CCDC141: variants seen among roughly 807,000 people sequenced by gnomAD.
CCDC141 encodes the protein coiled-coil domain containing 141, also known as coiled-coil domain-containing protein 141.
In CCDC141, 168 loss-of-function variants were observed where a neutral mutation model predicts 181.0. The ratio of observed to expected loss-of-function variants is 0.93; its 90% CI spans 0.82 to 1.05. The LOEUF is 1.05. Among genes scored for constraint, CCDC141 ranks in the 50% least tolerant of loss-of-function variants. The pLI is 0.00. For missense variants in CCDC141, 1,902 were observed against 1,788.5 expected (o/e 1.06, Z -1.14); for synonymous variants, 666 against 642.3 (o/e 1.04, Z -0.56).
At chr2:178,956,042 T>C (rs1226938658) in intron 5 of CCDC141, among the ~76,000 whole-genome samples, 1 of 152,154 alleles carries the variant, frequency 6.6e-6, no homozygotes, top group Non-Finnish European at 1.5e-5. Flanking sequence ...AACACTAAGA[T>C]AGTAGTTGGT....
chr2:178,829,590 C>T (rs1056279531), downstream of CCDC141, among the ~76,000 whole-genome samples: 1 of 152,210 alleles, frequency 6.6e-6, no homozygotes, highest in African/African-American at 2.4e-5. Context: ...AATCTCATCT[C>T]CTGTGATAAG....
At chr2:178,892,874 A>C (rs1406950889) in intron 8 of CCDC141, among the ~76,000 whole-genome samples, 1 of 152,176 alleles carries the variant, frequency 6.6e-6, no homozygotes, top group Admixed American at 6.5e-5. Context: ...GTGGCCTGTC[A>C]TTTTGTTCTG....
At chr2:179,002,072 C>T (rs1441539479) in intron 2 of CCDC141, 8 of 179,404 alleles carry the variant, frequency 4.5e-5, no homozygotes, top group Non-Finnish European at 9.5e-5. Flanking sequence ...ACCCTCCCAG[C>T]TTCCCAAAGT....
At chr2:178,936,508 A>G (rs1388886986) in intron 6 of CCDC141, among the ~76,000 whole-genome samples, 1 of 152,160 alleles carries the variant, frequency 6.6e-6, no homozygotes, top group African/African-American at 2.4e-5. Flanking sequence ...GCCCTGTAGT[A>G]TAGTTTGAAC....
Position 178,913,930 on chromosome 2 carries a change from A to G in CCDC141, c.1092+4783T>C, listed in dbSNP as rs564839661. Among the ~76,000 whole-genome samples, 12 of 152,316 alleles carry G rather than the reference A, an allele frequency of 7.9e-5. 1 individual carries two copies. The highest frequency in any genetic ancestry group is 2.4e-4 in the African/African-American group (10 of 41,568). On this transcript the variant is annotated intron_variant, in intron 7 of 23. Transcript: ENST00000443758. Reference sequence around the variant, plus strand: ...GTCATGTTTTACAGTTTTGGGTTCAATTGCAGCTGTCCTGTAAATACAGGC... The same window carrying G: ...GTCATGTTTTACAGTTTTGGGTTCAGTTGCAGCTGTCCTGTAAATACAGGC...
intron 8 of CCDC141, among the ~76,000 whole-genome samples, chr2:178,889,090 G>T (rs1687022825): frequency 6.6e-6 from 1 of 152,004 alleles, no homozygotes; most frequent in Non-Finnish European, 1.5e-5. Context: ...ATCTAATAGG[G>T]TAAAATATTT....
In CCDC141 at chr2:178,837,094, T is replaced by C; in HGVS notation, c.4125A>G (p.Gln1375=). The change falls in exon 23 of 24, where the codon CAA becomes CAG. Residue 1375 remains glutamine, a synonymous_variant. Transcript: ENST00000443758. ...SSDAFSGLRF[Q]SGTSRGYQRQ... is the part of the protein sequence containing the mutation. ...TCTGATAGCCCCTGCTGGTGCCTGA[T>C]TGAAACCTGAGGCCCGAGAATGCAT... 1 of 1,614,004 alleles carries C rather than the reference T, an allele frequency of 6.2e-7. No homozygotes were observed. Among genetic ancestry groups the C allele is most frequent in the Non-Finnish European group, 8.5e-7 (1 of 1,179,962 alleles).
chr2:178,940,349 T>C (rs767436974), intron 6 of CCDC141, among the ~76,000 whole-genome samples: 1 of 152,200 alleles, frequency 6.6e-6, no homozygotes, highest in Non-Finnish European at 1.5e-5. Context: ...AAGAACTGTA[T>C]AAACTAGATG....
chr2:178,936,473 G>A (rs939599227), intron 6 of CCDC141, among the ~76,000 whole-genome samples: 1 of 152,046 alleles, frequency 6.6e-6, no homozygotes, highest in African/African-American at 2.4e-5. Context: ...TTTTGTACTA[G>A]TTCCATGCTG....
At chr2:178,871,618 T>C in intron 13 of CCDC141, 66 bp from the exon 14 acceptor site, 1 of 1,570,306 alleles carries the variant, frequency 6.4e-7, no homozygotes, top group Non-Finnish European at 8.7e-7. Context: ...TTGATCATTC[T>C]AGGTATGACG....
At chr2:178,901,319 G>A (rs979468184) in intron 8 of CCDC141, among the ~76,000 whole-genome samples, 22 of 152,146 alleles carry the variant, frequency 1.4e-4, no homozygotes, top group Middle Eastern at 6.8e-3. Context: ...AGAATTTTAG[G>A]CGAATATCCT....
chr2:178,915,049 T>A (rs1040498311), intron 7 of CCDC141, among the ~76,000 whole-genome samples: 1 of 151,966 alleles, frequency 6.6e-6, no homozygotes, highest in Admixed American at 6.6e-5. Context: ...CCTGGTATGG[T>A]GGAGTCCCAG....
Position 178,834,039 on chromosome 2 carries a change from T to G in CCDC141, c.*134A>C. On this transcript the variant is annotated 3_prime_UTR_variant, in exon 24 of 24. Coordinates refer to ENST00000443758, the MANE Select transcript of CCDC141 (RefSeq NM_173648.4). Reference sequence around the variant, plus strand: ...TTGATTATTTCACCTAGCAGTGGTATTAGCCAAACAAGTATGGTGATCAGA... The same window carrying G: ...TTGATTATTTCACCTAGCAGTGGTAGTAGCCAAACAAGTATGGTGATCAGA... 1 of 867,960 alleles carries G rather than the reference T, an allele frequency of 1.2e-6. No individual in the cohort carries two copies. Among genetic ancestry groups the G allele is most frequent in the Non-Finnish European group, 1.7e-6 (1 of 577,662 alleles). 53.8% of individuals were successfully genotyped at this position (867,960 alleles called of 1,614,324 possible).
At chr2:178,903,609 G>C (rs1687813285) in intron 8 of CCDC141, among the ~76,000 whole-genome samples, 1 of 109,224 alleles carries the variant, frequency 9.2e-6, no homozygotes, top group African/African-American at 3.5e-5. Context: ...ACTGTTGTGG[G>C]GTGGGGGGAG....
chr2:178,941,305 C>A (rs1255375134), intron 6 of CCDC141, among the ~76,000 whole-genome samples: 2 of 152,188 alleles, frequency 1.3e-5, no homozygotes, highest in Admixed American at 6.5e-5. Context: ...AGCACCACTC[C>A]CCCTTGTGCA....
intron 7 of CCDC141, among the ~76,000 whole-genome samples, chr2:178,916,047 T>C (rs545864361): frequency 8.5e-5 from 13 of 152,154 alleles, no homozygotes; most frequent in African/African-American, 3.1e-4. Flanking sequence ...CAATCATCCA[T>C]GAAACTGTGA....
intron 21 of CCDC141, 116 bp downstream of exon 21, chr2:178,849,933 T>G (rs1682313391): frequency 3.3e-6 from 2 of 607,270 alleles, no homozygotes; most frequent in Admixed American, 6.8e-5. Flanking sequence ...AAAACAAATG[T>G]GCACATTATG....
chr2:178,908,171 G>A (rs919761697), intron 7 of CCDC141, among the ~76,000 whole-genome samples: 31 of 152,060 alleles, frequency 2.0e-4, no homozygotes, highest in Non-Finnish European at 4.0e-4. Context: ...AGCGGAGTTT[G>A]TTGTTAACTG....
chr2:179,001,106 G>A (rs1461047107), intron 2 of CCDC141, among the ~76,000 whole-genome samples: 1 of 152,100 alleles, frequency 6.6e-6, no homozygotes, highest in Non-Finnish European at 1.5e-5. Flanking sequence ...TGGATCCCCA[G>A]TTTGAGAAAA....
Sources: gnomAD v4.1 joint callset for allele counts (sites outside exome capture counted in the v4.1 genomes callset) on GRCh38, gnomAD v4.1.1 for gene constraint, MANE v1.5 for transcripts, NCBI Gene and HGNC (gene_info 2026-07-23, HGNC 2026-07-21) for gene names.